Variants in TGFB2 observed in about 807,000 individuals in gnomAD.
TGFB2 encodes the protein transforming growth factor beta-2 proprotein.
In TGFB2, 13 loss-of-function variants were observed where a neutral mutation model predicts 42.7. The ratio of observed to expected loss-of-function variants is 0.30; its 90% CI spans 0.20 to 0.48. The LOEUF is 0.48. TGFB2 is among the 20% of genes least tolerant of loss of function. The pLI is 0.99. For synonymous variants in TGFB2, 193 were observed against 193.6 expected, an observed-to-expected ratio of 1.00 and a Z score of 0.03; for missense variants, 390 against 517.5, an observed-to-expected ratio of 0.75 and a Z score of 2.39.
intron 1 of TGFB2, among the ~76,000 whole-genome samples, chr1:218,385,107 T>C (rs1658089976): frequency 1.3e-5 from 2 of 152,048 alleles, no homozygotes; most frequent in South Asian, 4.1e-4. Flanking sequence ...GATTCTATTT[T>C]TTCCCCCTCT....
chr1:218,369,185 G>A (rs1052116335), intron 1 of TGFB2, among the ~76,000 whole-genome samples: 3 of 143,142 alleles, frequency 2.1e-5, no homozygotes, highest in Non-Finnish European at 3.0e-5. Context: ...AACCCCGGAG[G>A]TGGAGGTTGC....
At chr1:218,361,896 C>A (rs1657223271) in intron 1 of TGFB2, among the ~76,000 whole-genome samples, 1 of 152,196 alleles carries the variant, frequency 6.6e-6, no homozygotes, top group South Asian at 2.1e-4. Flanking sequence ...CAGCTGGAAG[C>A]AGCATATGGT....
chr1:218,405,346 G>T lies in TGFB2; in HGVS notation c.510+14G>T, dbSNP rs765801379. 1 of 1,320,658 alleles carries T rather than the reference G, an allele frequency of 7.6e-7. No homozygotes were observed. The allele number at this position is 1,320,658 out of a possible 1,614,324, so 81.8% of individuals were successfully genotyped here. Reference sequence around the variant, plus strand: ...GAGCTATATCAGGTAATGTTCATTTGTTGTTGTTGTTGTTGTTGTTGTTGT... The same window carrying T: ...GAGCTATATCAGGTAATGTTCATTTTTTGTTGTTGTTGTTGTTGTTGTTGT... On this transcript the variant is annotated intron_variant, in intron 2 of 6. Coordinates refer to ENST00000366930, the MANE Select transcript of TGFB2 (RefSeq NM_003238.6).
intron 2 of TGFB2, among the ~76,000 whole-genome samples, chr1:218,415,699 G>GAAAAAAAAAAAAA (rs1174137652): frequency 1.6e-5 from 1 of 61,678 alleles, no homozygotes; most frequent in Admixed American, 1.8e-4. Flanking sequence ...TGTCTCAAAA[G>GAAAAAAAAAAAAA]AAAAAAAAAA....
At chr1:218,394,099 C>G (rs555822109) in intron 1 of TGFB2, among the ~76,000 whole-genome samples, 1 of 151,964 alleles carries the variant, frequency 6.6e-6, no homozygotes, top group Non-Finnish European at 1.5e-5. Context: ...TTAGTAGAGA[C>G]GGGGTTTCAC....
intron 1 of TGFB2, among the ~76,000 whole-genome samples, chr1:218,387,913 T>G (rs1305596660): frequency 6.6e-6 from 1 of 152,216 alleles, no homozygotes; most frequent in Non-Finnish European, 1.5e-5. Context: ...GGGTTCACCA[T>G]GCCATGAAGT....
intron 6 of TGFB2, among the ~76,000 whole-genome samples, chr1:218,438,299 A>G (rs1660038123): frequency 6.7e-6 from 1 of 150,230 alleles, no homozygotes; most frequent in Admixed American, 6.6e-5. Context: ...TCTCCATCTA[A>G]AAAAAAAATC....
chr1:218,414,252 C>T (rs1318370438), intron 2 of TGFB2, among the ~76,000 whole-genome samples: 2 of 149,522 alleles, frequency 1.3e-5, no homozygotes, highest in African/African-American at 5.1e-5. Flanking sequence ...CACACACACA[C>T]ACGCACACAC....
intron 2 of TGFB2, among the ~76,000 whole-genome samples, chr1:218,406,589 G>A (rs556166019): frequency 6.6e-6 from 1 of 152,210 alleles, no homozygotes; most frequent in Admixed American, 6.5e-5. Context: ...ATGAATAGTG[G>A]TACTTGCATA....
At chr1:218,378,321 C>G (rs993641201) in intron 1 of TGFB2, among the ~76,000 whole-genome samples, 2 of 152,238 alleles carry the variant, frequency 1.3e-5, no homozygotes, top group East Asian at 3.9e-4. Flanking sequence ...GGATTACAGG[C>G]GCCCGCCACT....
At chr1:218,376,646 G>A (rs1298970574) in intron 1 of TGFB2, among the ~76,000 whole-genome samples, 1 of 152,062 alleles carries the variant, frequency 6.6e-6, no homozygotes, top group Non-Finnish European at 1.5e-5. Context: ...CACCTAAGTG[G>A]GATGAATCCA....
At chr1:218,435,814 C>T (rs1005234842) in intron 4 of TGFB2, among the ~76,000 whole-genome samples, 156 bp from the exon 5 acceptor site, 2 of 152,176 alleles carry the variant, frequency 1.3e-5, no homozygotes, top group Non-Finnish European at 2.9e-5. Context: ...TCCTGTTGTG[C>T]CATATCTATT....
chr1:218,402,156 C>T (rs1452446197), intron 1 of TGFB2, among the ~76,000 whole-genome samples: 2 of 152,222 alleles, frequency 1.3e-5, no homozygotes, highest in Non-Finnish European at 2.9e-5. Context: ...CTGGTCGCTT[C>T]ACCATGGTTA....
intron 2 of TGFB2, among the ~76,000 whole-genome samples, chr1:218,418,424 T>C (rs1251700710): frequency 6.6e-6 from 1 of 152,226 alleles, no homozygotes; most frequent in African/African-American, 2.4e-5. Context: ...TGTACCCCCG[T>C]TGTATCTAGG....
rs549035841 is a variant in TGFB2, at chr1:218,375,407, C to CTT, written c.346+28371_346+28372dup. Among the ~76,000 whole-genome samples, 621 of 140,308 alleles carry CTT rather than the reference C, an allele frequency of 4.4e-3. 4 individuals carry two copies. The highest frequency in any genetic ancestry group is 0.015 in the African/African-American group (583 of 38,754). 92.0% of individuals were successfully genotyped at this position (140,308 alleles called of 152,430 possible). ...GAGAAAGTCAGTTACCCTTTCTGAACTTTTTTTTTTTTCCTAAAATGAGAG... is the reference window on the plus strand; with the variant it reads ...GAGAAAGTCAGTTACCCTTTCTGAACTTTTTTTTTTTTTTCCTAAAATGAGAG... On this transcript the variant is annotated intron_variant, in intron 1 of 6. Coordinates refer to ENST00000366930, the MANE Select transcript of TGFB2 (RefSeq NM_003238.6).
rs1318997970 is a variant in TGFB2 at position 218,443,287 on chromosome 1, C to T, written c.*1925C>T. ...TAGAATATGTCAGTTTATCACTTGT[C>T]GCTTATTTAGCTTTAAAATAAAAAT... On this transcript the variant is annotated 3_prime_UTR_variant, in exon 7 of 7. Transcript: ENST00000366930. The T allele has an allele frequency of 1.3e-5, 2 of 152,118 alleles. No individual in the cohort carries two copies. Among genetic ancestry groups the T allele is most frequent in the African/African-American group, 4.8e-5 (2 of 41,426 alleles). The allele number at this position is 152,118 out of a possible 1,614,324, so 9.4% of individuals were successfully genotyped here.
intron 1 of TGFB2, among the ~76,000 whole-genome samples, chr1:218,349,829 A>G (rs1273545872): frequency 6.6e-6 from 1 of 152,248 alleles, no homozygotes; most frequent in Non-Finnish European, 1.5e-5. Flanking sequence ...GTAAATATGA[A>G]TAGAACTGGC....
chr1:218,375,537 T>G (rs915725216), intron 1 of TGFB2, among the ~76,000 whole-genome samples: 4 of 152,128 alleles, frequency 2.6e-5, no homozygotes, highest in Admixed American at 2.6e-4. Flanking sequence ...CTGAGTAAAT[T>G]GTCATTCATT....
chr1:218,388,135 G>C (rs1658197368), intron 1 of TGFB2, among the ~76,000 whole-genome samples: 1 of 152,196 alleles, frequency 6.6e-6, no homozygotes, highest in Non-Finnish European at 1.5e-5. Flanking sequence ...GCACATTTTG[G>C]CTCCTAGAGC....
Sources: gnomAD v4.1 joint callset for allele counts (sites outside exome capture counted in the v4.1 genomes callset) on GRCh38, gnomAD v4.1.1 for gene constraint, MANE v1.5 for transcripts, NCBI Gene and HGNC (gene_info 2026-07-23, HGNC 2026-07-21) for gene names.